EMCN: variants seen among roughly 807,000 people sequenced by gnomAD.
The protein encoded by EMCN is endomucin, also known as MUC-14.
In EMCN, 37 loss-of-function variants were observed where a neutral mutation model predicts 38.4. The ratio of observed to expected loss-of-function variants is 0.96; its 90% CI spans 0.74 to 1.27. EMCN has a LOEUF of 1.27. Among genes scored for constraint, EMCN ranks in the 50% most tolerant of loss-of-function variants. EMCN has a pLI of 0.00. For missense variants in EMCN, 318 were observed against 302.8 expected (o/e 1.05, Z -0.37); for synonymous variants, 95 against 100.8 (o/e 0.94, Z 0.35).
At chr4:100,421,255 A>G in intron 8 of EMCN, 27 bp downstream of exon 8, 1 of 1,587,842 alleles carries the variant, frequency 6.3e-7, no homozygotes, top group Non-Finnish European at 8.6e-7. Context: ...TTCTTTCAGG[A>G]AAACAAAACA....
At position 100,410,358 on chromosome 4, in the gene EMCN, G is replaced by C. The variant is rs758451893; in HGVS notation, c.752-3C>G. The C allele has an allele frequency of 6.2e-7, 1 of 1,613,476 alleles. No individual in the cohort carries two copies. Among genetic ancestry groups the C allele is most frequent in the South Asian group, 1.1e-5 (1 of 91,050 alleles). Reference sequence around the variant, plus strand: ...TTTTCCTTGTGCAGAGTGCTCACCTGAGAACAGAAGATATGTTTTGATCTG... The same window carrying C: ...TTTTCCTTGTGCAGAGTGCTCACCTCAGAACAGAAGATATGTTTTGATCTG... On this transcript the variant is annotated splice_polypyrimidine_tract_variant and splice_region_variant and intron_variant, in intron 10 of 11. Transcript: ENST00000296420.
intron 11 of EMCN, among the ~76,000 whole-genome samples, chr4:100,409,159 C>T (rs28701863): frequency 0.011 from 1,608 of 152,210 alleles, 38 homozygotes; most frequent in African/African-American, 0.036. Flanking sequence ...TATTTCTCAT[C>T]GTGGACACTT....
At chr4:100,406,897 A>C (rs1726408290) in intron 11 of EMCN, among the ~76,000 whole-genome samples, 2 of 152,138 alleles carry the variant, frequency 1.3e-5, no homozygotes, top group South Asian at 2.1e-4. Context: ...TTGTTTTATA[A>C]ATCCAGGTGC....
chr4:100,412,293 G>A (rs796483965), intron 10 of EMCN, among the ~76,000 whole-genome samples: 5 of 152,206 alleles, frequency 3.3e-5, no homozygotes, highest in African/African-American at 1.2e-4. Flanking sequence ...GACATGCTAA[G>A]GTGTTTGAAC....
In EMCN at chr4:100,423,048, T is replaced by A. The variant is rs1181614577; in HGVS notation, c.541A>T (p.Thr181Ser). ...IGTEGGKNAS[T>S]SATSRSYSSI... ...GAATAAGACCGGCTGGTTGCTGAAGTGCTTGCATTTTTTCCACCCTCAGTG... is the reference window on the plus strand; with the variant it reads ...GAATAAGACCGGCTGGTTGCTGAAGAGCTTGCATTTTTTCCACCCTCAGTG... The change falls in exon 7 of 12, where the codon ACT becomes TCT. Residue 181 changes from threonine (T) to serine (S), a missense_variant. By Grantham distance (58) the Thr-to-Ser change is moderately conservative (BLOSUM62 1). Coordinates refer to ENST00000296420, the MANE Select transcript of EMCN (RefSeq NM_016242.4). 1 of 1,613,146 alleles carries A rather than the reference T, an allele frequency of 6.2e-7. No homozygotes were observed. The highest frequency in any genetic ancestry group is 8.5e-7 in the Non-Finnish European group (1 of 1,179,432).
At chr4:100,417,201 C>CA (rs1347426416) in intron 8 of EMCN, 60 bp from the exon 9 acceptor site, 8 of 1,508,136 alleles carry the variant, frequency 5.3e-6, no homozygotes, top group Non-Finnish European at 7.4e-6. Context: ...TAAATATGAG[C>CA]AAGCCCCTCT....
At chr4:100,457,227 T>C (rs776231189) in intron 4 of EMCN, among the ~76,000 whole-genome samples, 9 of 151,766 alleles carry the variant, frequency 5.9e-5, no homozygotes, top group Non-Finnish European at 1.2e-4. Flanking sequence ...CGATCATTAG[T>C]TTCTATTAAT....
intron 4 of EMCN, among the ~76,000 whole-genome samples, chr4:100,453,690 A>G (rs1437135211): frequency 2.7e-4 from 41 of 152,242 alleles, no homozygotes; most frequent in Non-Finnish European, 1.5e-5. Context: ...CCAAAGGATT[A>G]TAAATCATGC....
At position 100,418,209 on chromosome 4, in the gene EMCN, A is replaced by G. The variant is rs192497775; in HGVS notation, c.665-1068T>C. Among the ~76,000 whole-genome samples the G allele has an allele frequency of 5.9e-5, 9 of 152,260 alleles. No individual in the cohort carries two copies. In the East Asian group the frequency reaches 1.7e-3, roughly 29 times the overall value. The stretch of plus-strand genomic sequence containing the variant: ...ATTTTTTGATTCCTATGTGTCATAT[A>G]CAATATCACCTGTGATGCTAATAGC... On this transcript the variant is annotated intron_variant, in intron 8 of 11. Coordinates refer to ENST00000296420, the MANE Select transcript of EMCN (RefSeq NM_016242.4).
rs73833343 is a variant in EMCN, at chr4:100,465,976, G to A, written c.260-437C>T. Among the ~76,000 whole-genome samples, 885 of 152,220 alleles carry A rather than the reference G, an allele frequency of 5.8e-3. 10 individuals carry two copies. The highest frequency in any genetic ancestry group is 0.02 in the African/African-American group (814 of 41,536). On this transcript the variant is annotated intron_variant, in intron 3 of 11. Transcript: ENST00000296420. ...AAGGATGTGGTAGTAATTAAGTATG[G>A]CACTATTGTTCTCATGCCACTTGGG... is the stretch of plus-strand genomic sequence containing the variant.
intron 1 of EMCN, among the ~76,000 whole-genome samples, chr4:100,516,431 A>G (rs1729758856): frequency 6.6e-6 from 1 of 152,060 alleles, no homozygotes; most frequent in South Asian, 2.1e-4. Flanking sequence ...ACTTTATACT[A>G]ATCTGACACA....
intron 5 of EMCN, among the ~76,000 whole-genome samples, chr4:100,444,241 G>T (rs899737031): frequency 2.6e-5 from 4 of 152,190 alleles, no homozygotes; most frequent in African/African-American, 4.8e-5. Flanking sequence ...GGGATGTGTT[G>T]TGCCACATCT....
At chr4:100,444,786 G>A (rs906452581) in intron 5 of EMCN, among the ~76,000 whole-genome samples, 1 of 152,092 alleles carries the variant, frequency 6.6e-6, no homozygotes, top group South Asian at 2.1e-4. Flanking sequence ...GTAGCAGCAG[G>A]AGCCATGAGA....
chr4:100,435,845 A>G (rs1727337922), intron 5 of EMCN, among the ~76,000 whole-genome samples: 2 of 152,170 alleles, frequency 1.3e-5, no homozygotes, highest in Admixed American at 6.6e-5. Flanking sequence ...TTGAAACTGG[A>G]CCCCTTCCTT....
intron 1 of EMCN, chr4:100,486,805 A>C: frequency 3.1e-6 from 3 of 954,008 alleles, no homozygotes; most frequent in Non-Finnish European, 3.7e-6. Context: ...CAAGAACCTG[A>C]GATGTCCTGG....
intron 5 of EMCN, among the ~76,000 whole-genome samples, chr4:100,435,878 C>G (rs1727339052): frequency 1.3e-5 from 2 of 152,066 alleles, no homozygotes; most frequent in Admixed American, 6.6e-5. Flanking sequence ...AAAATTAACT[C>G]AAGATGGATT....
At chr4:100,511,419 A>G (rs974927218) in intron 1 of EMCN, among the ~76,000 whole-genome samples, 4 of 152,206 alleles carry the variant, frequency 2.6e-5, no homozygotes, top group Non-Finnish European at 4.4e-5. Context: ...AGTCTTTGAC[A>G]CAACTAATAC....
intron 9 of EMCN, 126 bp downstream of exon 9, chr4:100,416,991 C>G: frequency 1.1e-6 from 1 of 898,384 alleles, no homozygotes; most frequent in Admixed American, 2.2e-5. Flanking sequence ...CTCTGACAAA[C>G]AGTTAAAGCC....
At chr4:100,421,801 C>T (rs1726896721) in intron 7 of EMCN, among the ~76,000 whole-genome samples, 1 of 152,050 alleles carries the variant, frequency 6.6e-6, no homozygotes, top group African/African-American at 2.4e-5. Context: ...CTTTCTAAAA[C>T]ACTCACAAAT....
Sources: gnomAD v4.1 joint callset for allele counts (sites outside exome capture counted in the v4.1 genomes callset) on GRCh38, gnomAD v4.1.1 for gene constraint, MANE v1.5 for transcripts, NCBI Gene and HGNC (gene_info 2026-07-23, HGNC 2026-07-21) for gene names.